Variants in METTL14 observed in about 807,000 individuals in gnomAD.
METTL14 encodes the protein methyltransferase 14, N6-adenosine-methyltransferase non-catalytic subunit, also known as N(6)-adenosine-methyltransferase non-catalytic subunit METTL14.
In METTL14, 32 loss-of-function variants were observed where a neutral mutation model predicts 62.4. The ratio of observed to expected loss-of-function variants is 0.51; its 90% CI spans 0.39 to 0.69. The LOEUF (loss-of-function observed/expected upper bound fraction) is 0.69. Ranked by LOEUF, METTL14 falls within the 30% of genes least tolerant of loss-of-function variation. The pLI is 0.00. For synonymous variants in METTL14, 150 were observed against 180.0 expected, an observed-to-expected ratio of 0.83 and a Z score of 1.34; for missense variants, 340 against 551.9, an observed-to-expected ratio of 0.62 and a Z score of 3.85.
At chr4:118,695,731 GAAT>G (rs1179304464) in intron 6 of METTL14, among the ~76,000 whole-genome samples, 1 of 152,192 alleles carries the variant, frequency 6.6e-6, no homozygotes, top group Non-Finnish European at 1.5e-5. Context: ...TTGCTAAGCA[GAAT>G]AATGTTTTCC....
intron 5 of METTL14, among the ~76,000 whole-genome samples, chr4:118,693,931 G>T (rs1365008937): frequency 2.0e-5 from 3 of 151,930 alleles, no homozygotes; most frequent in Non-Finnish European, 4.4e-5. Flanking sequence ...TTTTAAATTA[G>T]GAAGTTCATA....
chr4:118,687,788 T>TG, intron 1 of METTL14, 135 bp from the exon 2 acceptor site: 2 of 621,794 alleles, frequency 3.2e-6, no homozygotes, highest in Non-Finnish European at 5.6e-6. Flanking sequence ...AATTCATTGT[T>TG]TTGTGTGTGT....
intron 9 of METTL14, among the ~76,000 whole-genome samples, chr4:118,705,162 CTGT>C (rs1724716109): frequency 6.6e-6 from 1 of 152,016 alleles, no homozygotes; most frequent in Non-Finnish European, 1.5e-5. Flanking sequence ...CCAGGTTTTC[CTGT>C]TGTTTTGTTG....
Position 118,697,217 on chromosome 4 carries a change from G to A in METTL14, c.539G>A (p.Arg180Lys). 6.2e-7 allele frequency: 1 copy of A among 1,611,422 alleles called. No homozygotes were observed. Among genetic ancestry groups the A allele is most frequent in the South Asian group, 1.1e-5 (1 of 90,518 alleles). ...GCCGATATAGAAGCCTTTGACATCA[G>A]AGAACTAACACCCAAATTTGATGTG... ...LQADIEAFDIRELTPKFDVIL... is the reference protein window; with the variant it reads ...LQADIEAFDIKELTPKFDVIL... The change falls in exon 7 of 11, where the codon AGA becomes AAA. Residue 180 changes from arginine (R) to lysine (K), a missense_variant. This residue lies in a region of METTL14 where 41 missense variants were observed against 44.0 expected (regional missense o/e 0.93). Coordinates refer to ENST00000388822, the MANE Select transcript of METTL14 (RefSeq NM_020961.4).
chr4:118,697,417 CTTTT>C, intron 7 of METTL14, 94 bp downstream of exon 7: 8 of 1,079,588 alleles, frequency 7.4e-6, no homozygotes, highest in East Asian at 2.7e-5. Context: ...ATCATCCCTA[CTTTT>C]GTAGGGATTA....
chr4:118,691,669 A>G (rs1158679482), intron 4 of METTL14, 57 bp downstream of exon 4: 2 of 807,464 alleles, frequency 2.5e-6, no homozygotes, highest in Non-Finnish European at 3.8e-6. Flanking sequence ...CTATACCTGA[A>G]AAGATTTTAA....
At chr4:118,700,455 C>G in intron 7 of METTL14, 95 bp from the exon 8 acceptor site, 1 of 934,508 alleles carries the variant, frequency 1.1e-6, no homozygotes, top group Non-Finnish European at 1.7e-6. Context: ...TTAAAGAACA[C>G]ATCTATCCTA....
chr4:118,690,842 T>A (rs1724224185), intron 3 of METTL14, among the ~76,000 whole-genome samples: 1 of 152,220 alleles, frequency 6.6e-6, no homozygotes, highest in Non-Finnish European at 1.5e-5. Flanking sequence ...ATTTATGGCC[T>A]GGACTACATT....
At chr4:118,688,450 A>G (rs1724144371) in intron 2 of METTL14, among the ~76,000 whole-genome samples, 1 of 152,046 alleles carries the variant, frequency 6.6e-6, no homozygotes, top group Admixed American at 6.6e-5. Flanking sequence ...TCAAAAAAAA[A>G]AAAAAAATGT....
intron 10 of METTL14, among the ~76,000 whole-genome samples, chr4:118,708,593 A>G (rs1308652512): frequency 6.6e-6 from 1 of 151,626 alleles, no homozygotes; most frequent in Non-Finnish European, 1.5e-5. Context: ...TTTAGAAACT[A>G]AAAATGTTTT....
chr4:118,709,209 T>G (rs953199792), intron 10 of METTL14, among the ~76,000 whole-genome samples: 2 of 152,236 alleles, frequency 1.3e-5, no homozygotes, highest in Non-Finnish European at 2.9e-5. Flanking sequence ...AGTAGTTCAT[T>G]GTTTTCCTTA....
chr4:118,702,164 C>A (rs937761302), intron 8 of METTL14, among the ~76,000 whole-genome samples: 1 of 146,592 alleles, frequency 6.8e-6, no homozygotes, highest in Admixed American at 6.9e-5. Flanking sequence ...CTGTCGCCCA[C>A]GCTGGAGTGC....
At chr4:118,700,990 G>C (rs916799418) in intron 8 of METTL14, among the ~76,000 whole-genome samples, 59 of 152,128 alleles carry the variant, frequency 3.9e-4, no homozygotes, top group African/African-American at 1.3e-3. Flanking sequence ...TCTATGAGTA[G>C]CTAAAAGTAT....
chr4:118,689,276 CTTG>C lies in METTL14; in HGVS notation c.156-91_156-89del. 4 of 613,922 alleles carry C rather than the reference CTTG, an allele frequency of 6.5e-6. No homozygotes were observed. In the South Asian group the frequency reaches 1.2e-4, roughly 18 times the overall value. The allele number at this position is 613,922 out of a possible 1,614,324, so 38.0% of individuals were successfully genotyped here. ...TATTCTTTAATCAGGAAAAATTTGTCTTGTTCTGTTTTTATAACCTGTTTATTA... is the reference window on the plus strand; with the variant it reads ...TATTCTTTAATCAGGAAAAATTTGTCTTCTGTTTTTATAACCTGTTTATTA... On this transcript the variant is annotated intron_variant, in intron 2 of 10. Transcript: ENST00000388822.
chr4:118,699,886 A>G (rs957194090), intron 7 of METTL14, among the ~76,000 whole-genome samples: 2 of 152,168 alleles, frequency 1.3e-5, no homozygotes, highest in Non-Finnish European at 2.9e-5. Flanking sequence ...AATGTAATAA[A>G]CAAAATGTAA....
chr4:118,685,591 C>T lies in METTL14; in HGVS notation c.57C>T (p.Leu19=), dbSNP rs1188975709. Residue 19 remains leucine, a synonymous_variant, in exon 1 of 11, where the codon CTC becomes CTT. Transcript: ENST00000388822. The part of the protein sequence containing the change: ...RERQKLRRQL[L]AQQLGAESAD... Reference sequence around the variant, plus strand: ...GGCAGAAGTTACGGCGACAGCTCCTCGCGCAGCAGGTCCGCGGCCCTGGTG... The same window carrying T: ...GGCAGAAGTTACGGCGACAGCTCCTTGCGCAGCAGGTCCGCGGCCCTGGTG... 3 of 1,614,112 alleles carry T rather than the reference C, an allele frequency of 1.9e-6. No individual in the cohort carries two copies. The highest frequency in any genetic ancestry group is 1.3e-5 in the African/African-American group (1 of 75,038).
intron 3 of METTL14, 30 bp downstream of exon 3, chr4:118,689,487 C>A: frequency 4.1e-6 from 5 of 1,227,848 alleles, no homozygotes; most frequent in South Asian, 4.0e-5. Context: ...AGTTTATGGT[C>A]AAAGAAAACA....
At chr4:118,688,274 T>TA (rs892124519) in intron 2 of METTL14, among the ~76,000 whole-genome samples, 4 of 152,042 alleles carry the variant, frequency 2.6e-5, no homozygotes, top group African/African-American at 9.7e-5. Context: ...CCATCTCTAC[T>TA]AAAAATACAA....
At chr4:118,696,145 A>AAAAAAT (rs1724405726) in intron 6 of METTL14, among the ~76,000 whole-genome samples, 1 of 149,896 alleles carries the variant, frequency 6.7e-6, no homozygotes. Flanking sequence ...AAAAAAAAAA[A>AAAAAAT]TTGTATTCTG....
Sources: gnomAD v4.1 joint callset for allele counts (sites outside exome capture counted in the v4.1 genomes callset) on GRCh38, gnomAD v4.1.1 for gene constraint, gnomAD v4.1.1 regional missense constraint, MANE v1.5 for transcripts, NCBI Gene and HGNC (gene_info 2026-07-23, HGNC 2026-07-21) for gene names.